DLGAP2: variants seen among roughly 807,000 people sequenced by gnomAD.
DLGAP2 encodes disks large-associated protein 2.
DLGAP2 carries 26 observed loss-of-function variants against 100.3 expected under a neutral mutation model. That is an observed-to-expected ratio of 0.26 (90% CI 0.19 to 0.36). DLGAP2 has a LOEUF of 0.36. Ranked by LOEUF, DLGAP2 falls within the 10% of genes least tolerant of loss-of-function variation. The pLI, the probability that DLGAP2 is intolerant of heterozygous loss-of-function variation, is 1.00. For missense variants in DLGAP2, 1,858 were observed against 1,453.2 expected (o/e 1.28, Z -4.53); for synonymous variants, 886 against 630.1 (o/e 1.41, Z -6.08).
intron 2 of DLGAP2, among the ~76,000 whole-genome samples, chr8:1,145,925 C>A (rs1009109741): frequency 6.6e-6 from 1 of 151,580 alleles, no homozygotes; most frequent in Non-Finnish European, 1.5e-5. Flanking sequence ...CATCCATGTC[C>A]CTACAAAGGA....
At chr8:1,574,056 T>A (rs999440987) in intron 6 of DLGAP2, among the ~76,000 whole-genome samples, 5 of 152,134 alleles carry the variant, frequency 3.3e-5, no homozygotes, top group South Asian at 2.1e-4. Flanking sequence ...GGGTCCACCC[T>A]AGAGCATTAG....
intron 3 of DLGAP2, among the ~76,000 whole-genome samples, chr8:1,365,770 C>G (rs1324140485): frequency 6.6e-6 from 1 of 152,196 alleles, no homozygotes; most frequent in Non-Finnish European, 1.5e-5. Context: ...GGAGGGCGAG[C>G]CTGTGAGAAG....
rs563628296 is a variant in DLGAP2, at chr8:1,669,982, C to T, written c.2202+198C>T. Among the ~76,000 whole-genome samples the T allele has an allele frequency of 1.2e-3, 185 of 152,264 alleles. 1 individual carries two copies. The highest frequency in any genetic ancestry group is 4.2e-3 in the African/African-American group (176 of 41,558). ...TCCCTAACCTGCCTGCAGCCCTGGG[C>T]CTCGCTGGGCTCCGGCGCCGGTAAG... On this transcript the variant is annotated intron_variant, in intron 10 of 14. Coordinates refer to ENST00000637795, the MANE Select transcript of DLGAP2 (RefSeq NM_001346810.2).
rs537387558 is a variant in DLGAP2 at position 1,623,991 on chromosome 8, C to T, written c.1443-2749C>T. ...TAGACTCACAAAATACATGGATCCACCTGTGAGGGCTGTCCAGCAGCCACT... is the reference window on the plus strand; with the variant it reads ...TAGACTCACAAAATACATGGATCCATCTGTGAGGGCTGTCCAGCAGCCACT... On this transcript the variant is annotated intron_variant, in intron 6 of 14. Coordinates refer to ENST00000637795, the MANE Select transcript of DLGAP2 (RefSeq NM_001346810.2). 3.3e-5 allele frequency among the ~76,000 whole-genome samples: 5 copies of T among 152,296 alleles called. 1 individual carries two copies. Among genetic ancestry groups the T allele is most frequent in the African/African-American group, 1.2e-4 (5 of 41,550 alleles).
At chr8:1,112,956 A>G (rs1272078492) in intron 2 of DLGAP2, among the ~76,000 whole-genome samples, 1 of 152,208 alleles carries the variant, frequency 6.6e-6, no homozygotes, top group Non-Finnish European at 1.5e-5. Context: ...TTTGTTGACT[A>G]GGGAGTCTTT....
At chr8:1,264,251 C>T (rs193015902) in intron 3 of DLGAP2, among the ~76,000 whole-genome samples, 9 of 152,210 alleles carry the variant, frequency 5.9e-5, no homozygotes, top group East Asian at 1.9e-4. Flanking sequence ...TGCAGTCGCT[C>T]CTGAGATGCA....
chr8:965,662 A>G (rs1212411139), intron 2 of DLGAP2, among the ~76,000 whole-genome samples: 7 of 117,406 alleles, frequency 6.0e-5, no homozygotes, highest in African/African-American at 1.5e-4. Context: ...CCTGAGTCTG[A>G]CCCCGCACTG....
At chr8:956,729 G>A (rs1563113329) in intron 2 of DLGAP2, among the ~76,000 whole-genome samples, 1 of 152,186 alleles carries the variant, frequency 6.6e-6, no homozygotes, top group East Asian at 1.9e-4. Context: ...CTTAGGCAAG[G>A]GAAGCCCTCT....
At chr8:1,316,058 CGTGTGTG>C (rs1563078341) in intron 3 of DLGAP2, among the ~76,000 whole-genome samples, 17 of 135,560 alleles carry the variant, frequency 1.3e-4, no homozygotes, top group Admixed American at 5.3e-4. Flanking sequence ...AAAAATAGAG[CGTGTGTG>C]AGTGCAGCGT....
chr8:1,371,196 C>T (rs1802229290), intron 3 of DLGAP2, among the ~76,000 whole-genome samples: 1 of 152,232 alleles, frequency 6.6e-6, no homozygotes, highest in Non-Finnish European at 1.5e-5. Context: ...TATGCATTAA[C>T]AGTCTCAGCA....
Position 1,668,460 on chromosome 8 carries a change from C to G in DLGAP2, c.1942C>G (p.Gln648Glu). The G allele has an allele frequency of 6.3e-7, 1 of 1,595,724 alleles. No homozygotes were observed. The highest frequency in any genetic ancestry group is 8.5e-7 in the Non-Finnish European group (1 of 1,172,014). The change falls in exon 9 of 15, where the codon CAG becomes GAG. Residue 648 changes from glutamine to glutamate, a missense_variant. Transcript: ENST00000637795. ...TQDAYQDSRA[Q>E]RMSPWPQDSR... is the part of the protein sequence containing the mutation. ...GGACGCCTACCAGGACAGCCGCGCA[C>G]AGAGGATGTCCCCGTGGCCCCAGGA...
At chr8:774,937 G>A (rs914886699) in intron 1 of DLGAP2, among the ~76,000 whole-genome samples, 1 of 149,864 alleles carries the variant, frequency 6.7e-6, no homozygotes, top group African/African-American at 2.4e-5. Flanking sequence ...AATTACCTTG[G>A]GCAGTATGGC....
chr8:788,090 G>T (rs1224683033), intron 1 of DLGAP2, among the ~76,000 whole-genome samples: 2 of 152,202 alleles, frequency 1.3e-5, no homozygotes, highest in African/African-American at 4.8e-5. Context: ...CAGCTATGTT[G>T]GGTCTCCCCC....
intron 2 of DLGAP2, among the ~76,000 whole-genome samples, chr8:1,256,581 G>A (rs1338008824): frequency 2.6e-5 from 4 of 151,288 alleles, no homozygotes; most frequent in African/African-American, 9.7e-5. Context: ...TGCTGTGCGT[G>A]TGTACTCTCC....
At chr8:1,141,777 A>G (rs569216271) in intron 2 of DLGAP2, among the ~76,000 whole-genome samples, 2 of 152,320 alleles carry the variant, frequency 1.3e-5, no homozygotes, top group South Asian at 4.1e-4. Context: ...AACATATAAA[A>G]ATGACTGAAA....
At chr8:938,217 C>G (rs1799115397) in intron 2 of DLGAP2, among the ~76,000 whole-genome samples, 1 of 152,038 alleles carries the variant, frequency 6.6e-6, no homozygotes, top group African/African-American at 2.4e-5. Context: ...CAGGGTCTCT[C>G]TCTGTTGCCC....
At chr8:983,186 T>G (rs1208865040) in intron 2 of DLGAP2, among the ~76,000 whole-genome samples, 1 of 152,238 alleles carries the variant, frequency 6.6e-6, no homozygotes, top group Non-Finnish European at 1.5e-5. Flanking sequence ...GATGGACCTT[T>G]AAATATGCCC....
At chr8:1,689,150 C>G (rs1799187804) in intron 12 of DLGAP2, among the ~76,000 whole-genome samples, 1 of 152,178 alleles carries the variant, frequency 6.6e-6, no homozygotes, top group African/African-American at 2.4e-5. Flanking sequence ...TTCCCTGGAC[C>G]TCGGTTTCGA....
chr8:1,324,220 C>G (rs1312873017), intron 3 of DLGAP2, among the ~76,000 whole-genome samples: 2 of 152,210 alleles, frequency 1.3e-5, no homozygotes, highest in Non-Finnish European at 2.9e-5. Flanking sequence ...TTAGGACAAA[C>G]CACTGTCTCT....
Sources: gnomAD v4.1 joint callset for allele counts (sites outside exome capture counted in the v4.1 genomes callset) on GRCh38, gnomAD v4.1.1 for gene constraint, MANE v1.5 for transcripts, NCBI Gene and HGNC (gene_info 2026-07-23, HGNC 2026-07-21) for gene names.